Variants in FSTL5 observed in about 807,000 individuals in gnomAD.
FSTL5 encodes the protein follistatin like 5, also known as follistatin-related protein 5.
Under a neutral mutation model 89.1 loss-of-function variants are expected in FSTL5, and 62 were observed. That is an observed-to-expected ratio of 0.70 (90% CI 0.57 to 0.86). The LOEUF (loss-of-function observed/expected upper bound fraction) is 0.86. Ranked by LOEUF, FSTL5 falls within the 40% of genes least tolerant of loss-of-function variation. The probability of loss-of-function intolerance (pLI) is 0.00; values close to 1 mark genes in which losing one functional copy is unlikely to be tolerated. For missense variants in FSTL5, 1,057 were observed against 1,001.6 expected, an observed-to-expected ratio of 1.06 and a Z score of -0.75; for synonymous variants, 383 against 346.2, an observed-to-expected ratio of 1.11 and a Z score of -1.18.
At chr4:161,560,730 T>C (rs1732566276) in intron 8 of FSTL5, among the ~76,000 whole-genome samples, 2 of 151,926 alleles carry the variant, frequency 1.3e-5, no homozygotes, top group African/African-American at 2.4e-5. Flanking sequence ...CTCCACGTCT[T>C]GTCTCACTGG....
intron 3 of FSTL5, among the ~76,000 whole-genome samples, chr4:161,929,103 A>G (rs527296783): frequency 6.6e-6 from 1 of 150,394 alleles, no homozygotes; most frequent in Non-Finnish European, 1.5e-5. Flanking sequence ...TTCCTTCCTT[A>G]CTTCCTTCCT....
At chr4:161,880,527 T>C (rs1732594632) in intron 4 of FSTL5, among the ~76,000 whole-genome samples, 1 of 152,152 alleles carries the variant, frequency 6.6e-6, no homozygotes, top group Non-Finnish European at 1.5e-5. Context: ...TTTCTTGACC[T>C]AGCATAAACA....
intron 1 of FSTL5, among the ~76,000 whole-genome samples, chr4:162,129,297 G>C (rs2111453718): frequency 6.6e-6 from 1 of 151,968 alleles, no homozygotes; most frequent in African/African-American, 2.4e-5. Context: ...CTTACCTAAA[G>C]TGTAATCCTT....
At chr4:161,762,555 C>T (rs1461371825) in intron 5 of FSTL5, among the ~76,000 whole-genome samples, 1 of 152,048 alleles carries the variant, frequency 6.6e-6, no homozygotes, top group Non-Finnish European at 1.5e-5. Flanking sequence ...TGTGATGATA[C>T]TTCATTATCT....
At chr4:161,550,489 T>TA (rs1732161790) in intron 8 of FSTL5, among the ~76,000 whole-genome samples, 2 of 151,782 alleles carry the variant, frequency 1.3e-5, no homozygotes, top group Non-Finnish European at 2.9e-5. Context: ...GCATTTTATT[T>TA]TATTGAAGGT....
chr4:161,402,180 C>T (rs1471784319), intron 15 of FSTL5, among the ~76,000 whole-genome samples: 1 of 152,050 alleles, frequency 6.6e-6, no homozygotes, highest in Non-Finnish European at 1.5e-5. Flanking sequence ...AACACAAACG[C>T]ACACACTTCA....
chr4:162,163,437 GTAATAATAATAA>G (rs34283366), intron 1 of FSTL5, among the ~76,000 whole-genome samples, 166 bp downstream of exon 1: 3 of 140,682 alleles, frequency 2.1e-5, no homozygotes, highest in East Asian at 2.1e-4. Flanking sequence ...AGATTGTCTT[GTAATAATAATAA>G]TAATAATAAT....
intron 5 of FSTL5, among the ~76,000 whole-genome samples, chr4:161,762,765 A>G (rs1353484596): frequency 6.6e-6 from 1 of 152,206 alleles, no homozygotes; most frequent in East Asian, 1.9e-4. Flanking sequence ...TAAACTCCTC[A>G]AGGAGTCTGG....
At chr4:162,132,630 A>G (rs1294900671) in intron 1 of FSTL5, among the ~76,000 whole-genome samples, 1 of 152,208 alleles carries the variant, frequency 6.6e-6, no homozygotes, top group Non-Finnish European at 1.5e-5. Context: ...GTTTGGCAAT[A>G]GGACATCTAT....
intron 3 of FSTL5, among the ~76,000 whole-genome samples, chr4:161,995,936 A>G (rs1319182733): frequency 6.6e-6 from 1 of 152,076 alleles, no homozygotes; most frequent in Non-Finnish European, 1.5e-5. Flanking sequence ...TCAGTGTCCT[A>G]AAAAGGCCAT....
intron 1 of FSTL5, among the ~76,000 whole-genome samples, chr4:162,143,234 T>C (rs940700964): frequency 6.6e-6 from 1 of 152,124 alleles, no homozygotes; most frequent in Non-Finnish European, 1.5e-5. Flanking sequence ...TGTAGAGATA[T>C]TAAATTACAA....
chr4:162,068,181 CACA>C (rs1729424508), intron 2 of FSTL5, among the ~76,000 whole-genome samples: 1 of 152,078 alleles, frequency 6.6e-6, no homozygotes, highest in African/African-American at 2.4e-5. Context: ...TGACGTTCTT[CACA>C]GAATTAGAAA....
At chr4:161,646,907 T>C (rs1217180647) in intron 7 of FSTL5, among the ~76,000 whole-genome samples, 1 of 152,188 alleles carries the variant, frequency 6.6e-6, no homozygotes, top group African/African-American at 2.4e-5. Flanking sequence ...AGTAACCTTT[T>C]ATTAGATATA....
intron 1 of FSTL5, among the ~76,000 whole-genome samples, chr4:162,153,797 G>A (rs1425171338): frequency 7.8e-6 from 1 of 128,712 alleles, no homozygotes; most frequent in African/African-American, 3.0e-5. Flanking sequence ...ATATGTATAT[G>A]TATATATATA....
At chr4:161,652,796 C>A (rs1053826553) in intron 7 of FSTL5, among the ~76,000 whole-genome samples, 1 of 151,868 alleles carries the variant, frequency 6.6e-6, no homozygotes, top group African/African-American at 2.4e-5. Flanking sequence ...TACATTTAAT[C>A]CTACCTAATA....
chr4:161,992,901 T>G (rs1736165592), intron 3 of FSTL5, among the ~76,000 whole-genome samples: 1 of 13,330 alleles, frequency 7.5e-5, no homozygotes, highest in African/African-American at 1.7e-4. Flanking sequence ...TATATATGTG[T>G]GTGTATATAT....
chr4:161,536,169 G>T (rs1731608193), intron 10 of FSTL5, among the ~76,000 whole-genome samples: 1 of 151,970 alleles, frequency 6.6e-6, no homozygotes, highest in South Asian at 2.1e-4. Flanking sequence ...GTGATCACTT[G>T]TACCCCAAAC....
intron 5 of FSTL5, among the ~76,000 whole-genome samples, chr4:161,768,539 A>T (rs1448828508): frequency 1.3e-5 from 2 of 152,024 alleles, no homozygotes; most frequent in African/African-American, 2.4e-5. Flanking sequence ...AATACAAGGA[A>T]ATAAAACATA....
At chr4:161,473,566 C>T (rs1451334163) in intron 13 of FSTL5, among the ~76,000 whole-genome samples, 1 of 151,750 alleles carries the variant, frequency 6.6e-6, no homozygotes, top group African/African-American at 2.4e-5. Context: ...GTATGTGGGA[C>T]TACAGGTGCG....
Sources: allele counts gnomAD v4.1 joint callset (sites outside exome capture counted in the v4.1 genomes callset), GRCh38; gene constraint gnomAD v4.1.1; transcripts MANE v1.5; gene names NCBI Gene and HGNC (gene_info 2026-07-23, HGNC 2026-07-21).